Variants in CRIM1 observed in about 807,000 individuals in gnomAD.
CRIM1 encodes the protein cysteine-rich motor neuron 1 protein.
CRIM1 carries 32 observed loss-of-function variants against 116.4 expected under a neutral mutation model. The ratio of observed to expected loss-of-function variants is 0.27; its 90% CI spans 0.21 to 0.37. The LOEUF (loss-of-function observed/expected upper bound fraction) is 0.37. Ranked by LOEUF, CRIM1 falls within the 10% of genes least tolerant of loss-of-function variation. CRIM1 has a pLI of 1.00. For synonymous variants in CRIM1, 590 were observed against 509.2 expected, an observed-to-expected ratio of 1.16 and a Z score of -2.13; for missense variants, 1,331 against 1,354.8, an observed-to-expected ratio of 0.98 and a Z score of 0.28.
rs370142451 is a variant in CRIM1 at position 36,522,354 on chromosome 2, G to A, written c.2428+41G>A. On this transcript the variant is annotated intron_variant, in intron 13 of 16. Coordinates refer to ENST00000280527, the MANE Select transcript of CRIM1 (RefSeq NM_016441.3). ...AAAAAATCCCTCATCTCTACCAGTT[G>A]TCACTAAATCTGTATTGACAGCCAT... is the stretch of plus-strand genomic sequence containing the variant. 2.0e-6 allele frequency: 3 copies of A among 1,468,296 alleles called. No homozygotes were observed. The East Asian group carries it at 6.8e-5, about 33-fold the overall frequency. 91.0% of individuals were successfully genotyped at this position (1,468,296 alleles called of 1,614,324 possible).
At chr2:36,408,571 G>A (rs976703155) in intron 2 of CRIM1, among the ~76,000 whole-genome samples, 6 of 152,230 alleles carry the variant, frequency 3.9e-5, no homozygotes, top group African/African-American at 1.4e-4. Context: ...CCCTCTAAGG[G>A]GAGCTGGAGC....
intron 2 of CRIM1, among the ~76,000 whole-genome samples, chr2:36,414,602 C>T (rs1322438145): frequency 6.6e-6 from 1 of 152,170 alleles, no homozygotes; most frequent in African/African-American, 2.4e-5. Flanking sequence ...GAGAAAGTCT[C>T]TCCTCTGAAG....
intron 1 of CRIM1, among the ~76,000 whole-genome samples, chr2:36,380,408 C>T (rs1232081183): frequency 1.3e-5 from 2 of 152,164 alleles, no homozygotes; most frequent in East Asian, 3.9e-4. Context: ...TGTCCAGTCC[C>T]ATCATGCTGC....
intron 1 of CRIM1, among the ~76,000 whole-genome samples, chr2:36,388,245 C>T (rs1330468825): frequency 6.6e-6 from 1 of 152,054 alleles, no homozygotes; most frequent in Non-Finnish European, 1.5e-5. Flanking sequence ...GCTAGTAAAT[C>T]CTCTAAGAAT....
At chr2:36,378,209 T>C in intron 1 of CRIM1, 1 of 433,020 alleles carries the variant, frequency 2.3e-6, no homozygotes, top group South Asian at 1.8e-5. Context: ...ACTGTGTAAG[T>C]CGCAGGTGTT....
chr2:36,517,415 G>C lies in CRIM1; in HGVS notation c.2079G>C (p.Trp693Cys). 1 of 1,614,206 alleles carries C rather than the reference G, an allele frequency of 6.2e-7. No individual in the cohort carries two copies. The highest frequency in any genetic ancestry group is 8.5e-7 in the Non-Finnish European group (1 of 1,180,016). The change falls in exon 12 of 17, where the codon TGG (tryptophan) becomes TGC (cysteine). Residue 693 changes from tryptophan (W) to cysteine (C), a missense_variant. This residue lies in a region of CRIM1 where 358 missense variants were observed against 436.1 expected (regional missense o/e 0.82). Transcript: ENST00000280527. Reference sequence around the variant, plus strand: ...AATACTTTGTGGAAGGAGAAACGTGGAACATTGACTCCTGTACTCAGTGCA... The same window carrying C: ...AATACTTTGTGGAAGGAGAAACGTGCAACATTGACTCCTGTACTCAGTGCA... ...GGEYFVEGETWNIDSCTQCTC... is the reference protein window; with the variant it reads ...GGEYFVEGETCNIDSCTQCTC...
intron 1 of CRIM1, among the ~76,000 whole-genome samples, chr2:36,381,786 C>CA (rs879726636): frequency 3.9e-5 from 6 of 151,916 alleles, no homozygotes; most frequent in South Asian, 2.1e-4. Context: ...GACTTCGTCT[C>CA]AAAAAAAACC....
At chr2:36,502,164 G>A (rs956952690) in intron 8 of CRIM1, among the ~76,000 whole-genome samples, 8 of 152,078 alleles carry the variant, frequency 5.3e-5, no homozygotes, top group African/African-American at 1.7e-4. Context: ...TTGGCCACCC[G>A]GTCATGCTTA....
intron 2 of CRIM1, among the ~76,000 whole-genome samples, chr2:36,419,039 T>C (rs1438083190): frequency 6.6e-6 from 1 of 152,218 alleles, no homozygotes; most frequent in African/African-American, 2.4e-5. Flanking sequence ...TGATGTATCC[T>C]GACAGTATCC....
chr2:36,424,136 T>C (rs1377423885), intron 2 of CRIM1, among the ~76,000 whole-genome samples: 3 of 152,200 alleles, frequency 2.0e-5, no homozygotes, highest in Non-Finnish European at 4.4e-5. Context: ...CTCATGGAAA[T>C]CACATTTGGT....
intron 13 of CRIM1, chr2:36,529,251 G>C (rs1266796107): frequency 4.3e-6 from 2 of 469,366 alleles, no homozygotes; most frequent in African/African-American, 4.0e-5. Flanking sequence ...GGAGACTGCT[G>C]GCAGAGTCTT....
chr2:36,445,229 C>A (rs2124948361), intron 4 of CRIM1, among the ~76,000 whole-genome samples: 1 of 152,196 alleles, frequency 6.6e-6, no homozygotes, highest in South Asian at 2.1e-4. Context: ...TAATACTACT[C>A]CCTGTCTCAT....
chr2:36,520,465 G>A (rs1383757858), intron 12 of CRIM1, among the ~76,000 whole-genome samples: 3 of 152,240 alleles, frequency 2.0e-5, no homozygotes, highest in Non-Finnish European at 4.4e-5. Context: ...ATTATCCCTC[G>A]ACGTAGATAA....
chr2:36,540,766 C>G (rs117868209), intron 14 of CRIM1, among the ~76,000 whole-genome samples: 4 of 152,104 alleles, frequency 2.6e-5, no homozygotes, highest in African/African-American at 9.7e-5. Flanking sequence ...AGAGAGAGAC[C>G]AGAGGCCAGG....
chr2:36,431,196 A>C (rs919438382), intron 2 of CRIM1, among the ~76,000 whole-genome samples: 1 of 152,212 alleles, frequency 6.6e-6, no homozygotes, highest in African/African-American at 2.4e-5. Flanking sequence ...GGTTTAAAAC[A>C]AACTGAGGAG....
chr2:36,450,875 A>G (rs2124967636), intron 4 of CRIM1, among the ~76,000 whole-genome samples: 1 of 152,364 alleles, frequency 6.6e-6, no homozygotes, highest in Middle Eastern at 3.4e-3. Flanking sequence ...GAATCTTAGC[A>G]GATTGCTAGC....
intron 4 of CRIM1, among the ~76,000 whole-genome samples, chr2:36,459,006 T>TCTTTAA (rs1302749258): frequency 3.9e-5 from 6 of 152,092 alleles, no homozygotes; most frequent in Non-Finnish European, 7.4e-5. Flanking sequence ...CAGGAAGGAG[T>TCTTTAA]CTTTGTAAGT....
At chr2:36,410,609 A>G (rs1673133739) in intron 2 of CRIM1, among the ~76,000 whole-genome samples, 1 of 152,130 alleles carries the variant, frequency 6.6e-6, no homozygotes, top group Non-Finnish European at 1.5e-5. Context: ...TCCTGAAAAT[A>G]CAAAGATAGG....
intron 1 of CRIM1, among the ~76,000 whole-genome samples, chr2:36,395,390 C>A (rs1243826325): frequency 6.6e-6 from 1 of 152,186 alleles, no homozygotes; most frequent in African/African-American, 2.4e-5. Context: ...TTAAAAAATT[C>A]TCTTCAGATA....
Sources: gnomAD v4.1 joint callset for allele counts (sites outside exome capture counted in the v4.1 genomes callset) on GRCh38, gnomAD v4.1.1 for gene constraint, gnomAD v4.1.1 regional missense constraint, MANE v1.5 for transcripts, NCBI Gene and HGNC (gene_info 2026-07-23, HGNC 2026-07-21) for gene names.